The following SLX4IP variants were observed in gnomAD, a reference collection of about 807,000 sequenced individuals.
SLX4IP encodes the protein protein SLX4IP.
Under a neutral mutation model 32.9 loss-of-function variants are expected in SLX4IP, and 34 were observed. The observed-to-expected ratio is 1.03, with a 90% confidence interval of 0.79 to 1.38. The LOEUF (loss-of-function observed/expected upper bound fraction) is 1.38. Among genes scored for constraint, SLX4IP ranks in the 40% most tolerant of loss-of-function variants. The pLI is 0.00. For synonymous variants in SLX4IP, 172 were observed against 171.7 expected (o/e 1.00, Z -0.01); for missense variants, 444 against 479.0 (o/e 0.93, Z 0.68).
At chr20:10,440,203 C>G (rs1254227431) in intron 1 of SLX4IP, among the ~76,000 whole-genome samples, 1 of 149,400 alleles carries the variant, frequency 6.7e-6, no homozygotes, top group Non-Finnish European at 1.5e-5. Context: ...GCCTGTTATT[C>G]CAACACTTTG....
chr20:10,570,614 C>T (rs763239329), intron 4 of SLX4IP, among the ~76,000 whole-genome samples: 26 of 151,616 alleles, frequency 1.7e-4, no homozygotes, highest in African/African-American at 2.4e-4. Context: ...TTGCAACCTC[C>T]GCCTCCCAGG....
intron 4 of SLX4IP, among the ~76,000 whole-genome samples, chr20:10,580,222 C>A (rs1411223807): frequency 6.6e-6 from 1 of 152,116 alleles, no homozygotes; most frequent in African/African-American, 2.4e-5. Flanking sequence ...AGGTTAAAAT[C>A]TAACCTCCTT....
chr20:10,465,540 C>T (rs543294974), intron 2 of SLX4IP, among the ~76,000 whole-genome samples: 3 of 152,340 alleles, frequency 2.0e-5, no homozygotes, highest in African/African-American at 7.2e-5. Context: ...GCTTGTTGCT[C>T]TGTCGCCCAG....
intron 1 of SLX4IP, among the ~76,000 whole-genome samples, chr20:10,451,561 G>A (rs1185253869): frequency 1.3e-5 from 2 of 152,174 alleles, no homozygotes; most frequent in African/African-American, 4.8e-5. Context: ...AGTCCAAATT[G>A]AGATGTCCTA....
intron 4 of SLX4IP, among the ~76,000 whole-genome samples, chr20:10,561,545 C>CT (rs749781715): frequency 0.032 from 4,509 of 139,108 alleles, 167 homozygotes; most frequent in African/African-American, 0.091. Flanking sequence ...TTTCTTTTTT[C>CT]TTTTTTTTTT....
intron 4 of SLX4IP, among the ~76,000 whole-genome samples, chr20:10,592,525 C>A (rs1600137533): frequency 6.7e-6 from 1 of 148,820 alleles, no homozygotes; most frequent in Non-Finnish European, 1.5e-5. Context: ...TTGATAAGGA[C>A]AAGGTGCAAC....
intron 2 of SLX4IP, among the ~76,000 whole-genome samples, chr20:10,478,831 C>T (rs1387186674): frequency 6.6e-6 from 1 of 152,222 alleles, no homozygotes; most frequent in Non-Finnish European, 1.5e-5. Flanking sequence ...CTCTTCTAAG[C>T]TCTTCTAGAG....
At chr20:10,602,442 T>A (rs747728755) in intron 6 of SLX4IP, among the ~76,000 whole-genome samples, 8 of 152,222 alleles carry the variant, frequency 5.3e-5, no homozygotes, top group Non-Finnish European at 1.2e-4. Context: ...TGACTCAGAA[T>A]TGCAGCTGAC....
intron 3 of SLX4IP, among the ~76,000 whole-genome samples, chr20:10,557,686 C>T (rs1488601812): frequency 6.6e-6 from 1 of 152,226 alleles, no homozygotes; most frequent in African/African-American, 2.4e-5. Context: ...TCCCTTTCGG[C>T]TTTGCCACCT....
rs113716858 is a variant in SLX4IP, at chr20:10,556,195, C to G, written c.28-36C>G. On this transcript the variant is annotated intron_variant, in intron 2 of 7. Coordinates refer to ENST00000334534, the MANE Select transcript of SLX4IP (RefSeq NM_001009608.3). ...CTCTCATTGTTTGCTGGGCATGAGC[C>G]GCACAGACACTGACTCTGCCATTAA... The G allele has an allele frequency of 1.9e-6, 3 of 1,578,946 alleles. No homozygotes were observed. In the African/African-American group the frequency reaches 4.1e-5, roughly 21 times the overall value.
At position 10,560,159 on chromosome 20, in the gene SLX4IP, G is replaced by A. The variant is rs140118797; in HGVS notation, c.118-541G>A. On this transcript the variant is annotated intron_variant, in intron 3 of 7. Transcript: ENST00000334534. The stretch of plus-strand genomic sequence containing the variant: ...AAACAGTCCCCTAAAACCATGGGGG[G>A]CTGCTTGCTGTTGACTGGGCTGTGG... Among the ~76,000 whole-genome samples the A allele has an allele frequency of 5.7e-3, 871 of 152,302 alleles. 10 individuals carry two copies. Among genetic ancestry groups the A allele is most frequent in the African/African-American group, 0.02 (825 of 41,568 alleles).
intron 1 of SLX4IP, among the ~76,000 whole-genome samples, chr20:10,452,068 T>A (rs529436837): frequency 6.6e-5 from 10 of 152,356 alleles, no homozygotes; most frequent in African/African-American, 2.4e-4. Context: ...AAATTACATT[T>A]GTGGCTTGCA....
intron 2 of SLX4IP, among the ~76,000 whole-genome samples, chr20:10,493,847 T>C (rs185830640): frequency 1.2e-3 from 179 of 150,056 alleles, no homozygotes; most frequent in African/African-American, 3.9e-3. Context: ...GAAGTGTTTT[T>C]TTTATAGTTG....
intron 4 of SLX4IP, among the ~76,000 whole-genome samples, chr20:10,592,498 T>G (rs546987312): frequency 6.6e-6 from 1 of 152,206 alleles, no homozygotes; most frequent in South Asian, 2.1e-4. Context: ...TTCCCTACCC[T>G]TTCTACCCTA....
At chr20:10,552,798 TGCTTAA>T (rs2066230340) in intron 2 of SLX4IP, among the ~76,000 whole-genome samples, 1 of 151,840 alleles carries the variant, frequency 6.6e-6, no homozygotes, top group Non-Finnish European at 1.5e-5. Flanking sequence ...CAATTCAAGT[TGCTTAA>T]GCTTAAGATT....
intron 2 of SLX4IP, among the ~76,000 whole-genome samples, chr20:10,511,166 A>G (rs771944053): frequency 9.2e-5 from 14 of 151,612 alleles, no homozygotes; most frequent in Non-Finnish European, 1.9e-4. Context: ...AAAGTTTGCA[A>G]TATGTTGTTC....
chr20:10,503,176 C>T (rs140563189), intron 2 of SLX4IP, among the ~76,000 whole-genome samples: 21 of 152,302 alleles, frequency 1.4e-4, no homozygotes, highest in African/African-American at 5.1e-4. Context: ...ATGAATGGGA[C>T]TCTTCTGTAT....
At chr20:10,599,611 G>A (rs1302353477) in intron 5 of SLX4IP, among the ~76,000 whole-genome samples, 2 of 150,844 alleles carry the variant, frequency 1.3e-5, no homozygotes, top group Admixed American at 1.3e-4. Flanking sequence ...TGTTGCAGCT[G>A]GTCTCAAACT....
intron 2 of SLX4IP, among the ~76,000 whole-genome samples, chr20:10,527,010 G>T (rs1349526669): frequency 6.6e-6 from 1 of 152,170 alleles, no homozygotes; most frequent in Non-Finnish European, 1.5e-5. Context: ...CTATTCACAG[G>T]TGCAACCAAA....
Sources: gnomAD v4.1 joint callset for allele counts (sites outside exome capture counted in the v4.1 genomes callset) on GRCh38, gnomAD v4.1.1 for gene constraint, MANE v1.5 for transcripts, NCBI Gene and HGNC (gene_info 2026-07-23, HGNC 2026-07-21) for gene names.